The following FAM184B variants were observed in gnomAD, a reference collection of about 807,000 sequenced individuals.
FAM184B encodes the protein protein FAM184B.
In FAM184B, 111 loss-of-function variants were observed where a neutral mutation model predicts 135.9. The ratio of observed to expected loss-of-function variants is 0.82; its 90% CI spans 0.70 to 0.96. The LOEUF (loss-of-function observed/expected upper bound fraction) is 0.96, where lower values mean the gene tolerates loss of function less well. Among genes scored for constraint, FAM184B ranks in the 40% least tolerant of loss-of-function variants. The pLI, the probability that FAM184B is intolerant of heterozygous loss-of-function variation, is 0.00. For synonymous variants in FAM184B, 552 were observed against 524.8 expected (o/e 1.05, Z -0.71); for missense variants, 1,375 against 1,323.9 (o/e 1.04, Z -0.60).
intron 1 of FAM184B, among the ~76,000 whole-genome samples, chr4:17,771,710 ACTC>A (rs1718820089): frequency 6.6e-6 from 1 of 151,910 alleles, no homozygotes; most frequent in Non-Finnish European, 1.5e-5. Flanking sequence ...AACAGGCATC[ACTC>A]CTCCTGCCCT....
chr4:17,654,966 C>T (rs1480423086), intron 10 of FAM184B, among the ~76,000 whole-genome samples: 2 of 152,218 alleles, frequency 1.3e-5, no homozygotes, highest in Non-Finnish European at 2.9e-5. Context: ...ATCCTCCCAT[C>T]TCAGCGTCTT....
chr4:17,716,344 T>TTTTG (rs1194324121), intron 1 of FAM184B, among the ~76,000 whole-genome samples: 2 of 152,238 alleles, frequency 1.3e-5, no homozygotes, highest in African/African-American at 2.4e-5. Context: ...TCCCAGGTTT[T>TTTTG]TTTGTTTGTT....
intron 1 of FAM184B, among the ~76,000 whole-genome samples, chr4:17,721,629 G>A (rs1469245457): frequency 6.6e-6 from 1 of 152,112 alleles, no homozygotes; most frequent in Non-Finnish European, 1.5e-5. Flanking sequence ...GGGAAGAGGA[G>A]CGCACCATGA....
chr4:17,632,569 G>C lies in FAM184B; in HGVS notation c.3146C>G (p.Pro1049Arg). The C allele has an allele frequency of 6.4e-7, 1 of 1,551,370 alleles. No individual in the cohort carries two copies. The highest frequency in any genetic ancestry group is 8.7e-7 in the Non-Finnish European group (1 of 1,146,796). The change falls in exon 18 of 18, where the codon CCG becomes CGG. Residue 1049 changes from proline to arginine, a missense_variant. By Grantham distance (103) the Pro-to-Arg change is moderately radical (BLOSUM62 -2). Transcript: ENST00000265018. ...AKEVQQKQGS[P>R]HQEWFTKYFS... ...GTACTTGGTGAACCATTCCTGGTGC[G>C]GAGAGCCCTGTTTCTGCTGGACTTC... is the stretch of plus-strand genomic sequence containing the variant.
intron 11 of FAM184B, among the ~76,000 whole-genome samples, chr4:17,650,466 G>A (rs1305706352): frequency 1.3e-5 from 2 of 152,126 alleles, no homozygotes; most frequent in Non-Finnish European, 2.9e-5. Flanking sequence ...CTTTCCCCAG[G>A]GTCTTTCCAG....
intron 14 of FAM184B, 142 bp from the exon 15 acceptor site, chr4:17,636,787 C>T (rs867940104): frequency 1.3e-5 from 9 of 666,994 alleles, no homozygotes; most frequent in African/African-American, 3.7e-5. Flanking sequence ...TTGCCCAGGG[C>T]CCCCTGGGGA....
intron 7 of FAM184B, among the ~76,000 whole-genome samples, chr4:17,684,764 A>G (rs974029689): frequency 6.6e-6 from 1 of 152,238 alleles, no homozygotes; most frequent in African/African-American, 2.4e-5. Context: ...TTCACTATTC[A>G]CAACAGCAAA....
chr4:17,684,813 G>T (rs919520598), intron 7 of FAM184B, among the ~76,000 whole-genome samples: 3 of 152,114 alleles, frequency 2.0e-5, no homozygotes, highest in Non-Finnish European at 2.9e-5. Flanking sequence ...ATGATAGACT[G>T]AATAAAGAAA....
intron 1 of FAM184B, among the ~76,000 whole-genome samples, chr4:17,741,779 A>G (rs1047908608): frequency 4.6e-5 from 7 of 152,200 alleles, no homozygotes; most frequent in Non-Finnish European, 8.8e-5. Context: ...TCCTGGGTTA[A>G]ATAGCCCACT....
intron 1 of FAM184B, among the ~76,000 whole-genome samples, chr4:17,766,102 A>C (rs371630238): frequency 2.0e-5 from 3 of 152,204 alleles, no homozygotes; most frequent in African/African-American, 7.2e-5. Context: ...TATTACAAAG[A>C]GCAAGATTGG....
chr4:17,709,096 C>T lies in FAM184B; in HGVS notation c.690G>A (p.Glu230=). The T allele has an allele frequency of 6.5e-7, 1 of 1,549,628 alleles. No homozygotes were observed. The highest frequency in any genetic ancestry group is 1.4e-5 in the African/African-American group (1 of 73,158). ...ACTGCTGCATGGCCTGCCGGATGGCCTCGTTTTCCCTCTCGTAGGTGGCCT... is the reference window on the plus strand; with the variant it reads ...ACTGCTGCATGGCCTGCCGGATGGCTTCGTTTTCCCTCTCGTAGGTGGCCT... The part of the protein sequence containing the change: ...ELQATYEREN[E]AIRQAMQQSV... The change falls in exon 2 of 18, where the codon GAG becomes GAA. Residue 230 remains glutamate, a synonymous_variant. Transcript: ENST00000265018.
intron 2 of FAM184B, among the ~76,000 whole-genome samples, chr4:17,708,663 CTATATATATATA>C (rs60087211): frequency 0.078 from 1,328 of 16,954 alleles, 61 homozygotes; most frequent in Non-Finnish European, 0.096. Flanking sequence ...GGAAACAAAA[CTATATATATATA>C]TATATATATA....
chr4:17,640,316 CA>C (rs376386841), intron 13 of FAM184B, among the ~76,000 whole-genome samples: 7,057 of 133,656 alleles, frequency 0.053, 534 homozygotes, highest in African/African-American at 0.18. Flanking sequence ...ACTAAAAATA[CA>C]AAAAAAAAAA....
chr4:17,766,680 C>T (rs915551379), intron 1 of FAM184B, among the ~76,000 whole-genome samples: 3 of 152,230 alleles, frequency 2.0e-5, no homozygotes, highest in African/African-American at 7.2e-5. Flanking sequence ...AGTGTATTTA[C>T]AATCCCTTCG....
intron 15 of FAM184B, among the ~76,000 whole-genome samples, chr4:17,635,667 G>A (rs1397171231): frequency 9.5e-5 from 10 of 105,312 alleles, no homozygotes; most frequent in African/African-American, 1.7e-4. Context: ...TAGAAATAAG[G>A]ATTACTTTAA....
At chr4:17,681,814 T>G (rs1716447979) in intron 7 of FAM184B, among the ~76,000 whole-genome samples, 1 of 152,160 alleles carries the variant, frequency 6.6e-6, no homozygotes, top group African/African-American at 2.4e-5. Context: ...TGTTCAGATT[T>G]CAGTGTCAAG....
chr4:17,737,318 A>G (rs1235704098), intron 1 of FAM184B, among the ~76,000 whole-genome samples: 1 of 152,078 alleles, frequency 6.6e-6, no homozygotes, highest in Non-Finnish European at 1.5e-5. Context: ...CCTTCATCTC[A>G]TTAGGCAGAA....
At chr4:17,748,118 A>AG (rs1377787445) in intron 1 of FAM184B, among the ~76,000 whole-genome samples, 4 of 150,382 alleles carry the variant, frequency 2.7e-5, no homozygotes, top group African/African-American at 7.3e-5. Flanking sequence ...AAAAAAAAAA[A>AG]AAAAAGAAAA....
rs1241462677 is a variant in FAM184B, at chr4:17,781,222, C to G, written c.78G>C (p.Trp26Cys). The change falls in exon 1 of 18, where the codon TGG becomes TGC. Residue 26 changes from tryptophan (W) to cysteine (C), a missense_variant. By Grantham distance (215) the Trp-to-Cys change is radical (BLOSUM62 -2). Coordinates refer to ENST00000265018, the MANE Select transcript of FAM184B (RefSeq NM_015688.2). This position sits in a 1 kb window ranked among gnomAD's most constrained non-coding sequence, Gnocchi z 6.5. ...GCATCTGGGGATCACAGTCCATTCTCCAGCCGGCGCCACCGTCGGCTTTGG... is the reference window on the plus strand; with the variant it reads ...GCATCTGGGGATCACAGTCCATTCTGCAGCCGGCGCCACCGTCGGCTTTGG... ...QGSKADGGAG[W>C]RMDCDPQMHV... 6.4e-7 allele frequency: 1 copy of G among 1,551,002 alleles called. No individual in the cohort carries two copies. Among genetic ancestry groups the G allele is most frequent in the Non-Finnish European group, 8.7e-7 (1 of 1,146,686 alleles).
Sources: gnomAD v4.1 joint callset for allele counts (sites outside exome capture counted in the v4.1 genomes callset) on GRCh38, gnomAD v4.1.1 for gene constraint, Gnocchi (gnomAD v3.1) non-coding constraint, MANE v1.5 for transcripts, NCBI Gene and HGNC (gene_info 2026-07-23, HGNC 2026-07-21) for gene names.